Variants in PLD1 observed in about 807,000 individuals in gnomAD.
PLD1 encodes phospholipase D1.
A neutral mutation model predicts 137.1 loss-of-function variants in PLD1; 112 were observed. The observed-to-expected ratio is 0.82, with a 90% CI of 0.70 to 0.96. The LOEUF (loss-of-function observed/expected upper bound fraction) is 0.96. PLD1 is among the 40% of genes least tolerant of loss of function. PLD1 has a pLI of 0.00. For synonymous variants in PLD1, 431 were observed against 454.7 expected, an observed-to-expected ratio of 0.95 and a Z score of 0.66; for missense variants, 1,321 against 1,342.0, an observed-to-expected ratio of 0.98 and a Z score of 0.24.
chr3:171,807,876 T>C (rs1400119540), intron 1 of PLD1, among the ~76,000 whole-genome samples: 3 of 152,222 alleles, frequency 2.0e-5, no homozygotes, highest in Admixed American at 6.5e-5. Flanking sequence ...ATATGCATCA[T>C]AGAATACCAT....
intron 1 of PLD1, among the ~76,000 whole-genome samples, chr3:171,747,235 G>T (rs576002848): frequency 6.6e-6 from 1 of 152,198 alleles, no homozygotes; most frequent in Non-Finnish European, 1.5e-5. Flanking sequence ...CGTGAAGTCA[G>T]TGCAGACCAA....
chr3:171,734,855 A>G lies in PLD1; in HGVS notation c.540+10T>C, dbSNP rs9869368. The G allele has an allele frequency of 0.15, 223,800 of 1,537,662 alleles. 17,194 individuals are homozygous for G. The highest frequency in any genetic ancestry group is 0.21 in the South Asian group (18,790 of 89,368). ...TAGGTTTAAAACCACAGAATAGTGAAGAAACTTACTCTTCTACCAAGGAAT... is the reference window on the plus strand; with the variant it reads ...TAGGTTTAAAACCACAGAATAGTGAGGAAACTTACTCTTCTACCAAGGAAT... On this transcript the variant is annotated intron_variant, in intron 5 of 26. Transcript: ENST00000351298.
At chr3:171,655,314 G>A (rs1737096162) in intron 21 of PLD1, among the ~76,000 whole-genome samples, 3 of 152,116 alleles carry the variant, frequency 2.0e-5, no homozygotes, top group Admixed American at 2.0e-4. Flanking sequence ...GTGAAAAGGG[G>A]TCACCCCAGG....
rs948472874 is a variant in PLD1, at chr3:171,650,375, G to A, written c.2430-5352C>T. On this transcript the variant is annotated intron_variant, in intron 21 of 26. Transcript: ENST00000351298. ...GCAGCTATGCGATGTGGCAGGAGCA[G>A]AGGAGAAGTGGTAGAGAGGCAGGCC... 3.9e-5 allele frequency among the ~76,000 whole-genome samples: 6 copies of A among 152,212 alleles called. No individual in the cohort carries two copies. In the South Asian group the frequency reaches 1.0e-3, roughly 26 times the overall value.
At chr3:171,656,563 A>G (rs968107138) in intron 21 of PLD1, among the ~76,000 whole-genome samples, 6 of 152,276 alleles carry the variant, frequency 3.9e-5, no homozygotes, top group Admixed American at 3.9e-4. Flanking sequence ...TTAAAAACAC[A>G]TCTTTGGAAC....
rs866785172 is a variant in PLD1 at position 171,764,961 on chromosome 3, A to G, written c.-31-26879T>C. Among the ~76,000 whole-genome samples the G allele has an allele frequency of 3.1e-3, 276 of 88,562 alleles. 37 individuals are homozygous for G. Among genetic ancestry groups the G allele is most frequent in the East Asian group, 4.9e-3 (17 of 3,502 alleles). The allele number at this position is 88,562 out of a possible 152,430, so 58.1% of individuals were successfully genotyped here. A position where few individuals can be genotyped will look rare whatever the true frequency, so the allele number is the denominator to read the frequency against. ...AAGAAAGAAAGAAAGAAAGAAAGAAAGAAAGAAAGAAAGAAAGAAAGAAAG... is the reference window on the plus strand; with the variant it reads ...AAGAAAGAAAGAAAGAAAGAAAGAAGGAAAGAAAGAAAGAAAGAAAGAAAG... On this transcript the variant is annotated intron_variant, in intron 1 of 26. Coordinates refer to ENST00000351298, the MANE Select transcript of PLD1 (RefSeq NM_002662.5).
intron 1 of PLD1, among the ~76,000 whole-genome samples, chr3:171,752,294 T>A (rs1174409956): frequency 1.3e-5 from 2 of 152,200 alleles, no homozygotes; most frequent in African/African-American, 4.8e-5. Flanking sequence ...CACAATAACT[T>A]TAGAAGAGTG....
intron 13 of PLD1, 26 bp downstream of exon 13, chr3:171,692,306 T>C (rs201878206): frequency 1.6e-4 from 170 of 1,039,376 alleles, no homozygotes; most frequent in Middle Eastern, 2.0e-4. Context: ...TAAAGAAACA[T>C]TGGTTATCAA....
chr3:171,735,863 G>A (rs1719318868), intron 3 of PLD1, among the ~76,000 whole-genome samples: 1 of 152,144 alleles, frequency 6.6e-6, no homozygotes, highest in African/African-American at 2.4e-5. Context: ...AATCACACGA[G>A]ACGATTCCTA....
chr3:171,684,626 C>T lies in PLD1; in HGVS notation c.1867+2059G>A, dbSNP rs376779150. 7.8e-4 allele frequency among the ~76,000 whole-genome samples: 119 copies of T among 152,228 alleles called. No homozygotes were observed. The Middle Eastern group carries it at 0.014, about 17-fold the overall frequency. On this transcript the variant is annotated intron_variant, in intron 16 of 26. Transcript: ENST00000351298. ...TTTTTGTGTGTGTGAGAGAGGGTCT[C>T]CCTCTGTCACCCAGGCTGGACTGCA...
intron 9 of PLD1, 36 bp from the exon 10 acceptor site, chr3:171,709,745 C>A: frequency 1.3e-6 from 2 of 1,587,230 alleles, no homozygotes; most frequent in South Asian, 2.3e-5. Context: ...AAAGACTGGT[C>A]ACTCTGTTCT....
chr3:171,736,094 T>A (rs1053403663), intron 3 of PLD1, among the ~76,000 whole-genome samples: 2 of 152,196 alleles, frequency 1.3e-5, no homozygotes, highest in African/African-American at 4.8e-5. Flanking sequence ...TGGCACGACA[T>A]GCCTTCTCTC....
chr3:171,707,198 T>C (rs1281406304), intron 11 of PLD1, among the ~76,000 whole-genome samples: 4 of 152,176 alleles, frequency 2.6e-5, no homozygotes, highest in Non-Finnish European at 4.4e-5. Flanking sequence ...GAAAAATAAC[T>C]AGTGGGTACA....
intron 1 of PLD1, among the ~76,000 whole-genome samples, chr3:171,808,632 A>ATTTTAT (rs74593527): frequency 0.81 from 123,185 of 151,240 alleles, 50,421 homozygotes; most frequent in Middle Eastern, 0.94. Context: ...AAAATTTGTA[A>ATTTTAT]TTTTAATTAA....
intron 6 of PLD1, among the ~76,000 whole-genome samples, chr3:171,731,519 C>T (rs1239509597): frequency 1.3e-5 from 2 of 152,228 alleles, no homozygotes; most frequent in East Asian, 1.9e-4. Flanking sequence ...CGGTGGCTCA[C>T]GCCTGTAATC....
At chr3:171,635,965 CTTTTTTTTTTTTTT>C (rs71178231) in intron 23 of PLD1, among the ~76,000 whole-genome samples, 600 of 49,308 alleles carry the variant, frequency 0.012, 13 homozygotes, top group Middle Eastern at 0.021. Flanking sequence ...GGTTCAACTT[CTTTTTTTTTTTTTT>C]TTTTTTTTTT....
chr3:171,693,491 T>C (rs1169220682), intron 12 of PLD1, among the ~76,000 whole-genome samples: 1 of 152,042 alleles, frequency 6.6e-6, no homozygotes, highest in Non-Finnish European at 1.5e-5. Context: ...CCCCCTCCAA[T>C]GTATAGTTCA....
chr3:171,779,374 G>C (rs1722702041), intron 1 of PLD1, among the ~76,000 whole-genome samples: 1 of 152,150 alleles, frequency 6.6e-6, no homozygotes, highest in Non-Finnish European at 1.5e-5. Flanking sequence ...AAAAAAAAGA[G>C]AGGTGTCAAG....
intron 23 of PLD1, among the ~76,000 whole-genome samples, chr3:171,626,022 G>C (rs535032990): frequency 6.6e-6 from 1 of 152,348 alleles, no homozygotes; most frequent in East Asian, 1.9e-4. Context: ...GACGAGTTGA[G>C]AGAAGAAGAC....
Sources: allele counts gnomAD v4.1 joint callset (sites outside exome capture counted in the v4.1 genomes callset), GRCh38; gene constraint gnomAD v4.1.1; transcripts MANE v1.5; gene names NCBI Gene and HGNC (gene_info 2026-07-23, HGNC 2026-07-21).